XKR6: variants seen among roughly 807,000 people sequenced by gnomAD.
The protein encoded by XKR6 is XK related 6.
A neutral mutation model predicts 56.7 loss-of-function variants in XKR6; 22 were observed. That is an observed-to-expected ratio of 0.39 (90% CI 0.28 to 0.55). The LOEUF is 0.55. XKR6 is among the 20% of genes least tolerant of loss of function. The pLI, the probability that XKR6 is intolerant of heterozygous loss-of-function variation, is 0.66. For missense variants in XKR6, 852 were observed against 889.0 expected (o/e 0.96, Z 0.53); for synonymous variants, 524 against 387.8 (o/e 1.35, Z -4.13).
chr8:11,142,023 CAAA>C (rs61218279), intron 1 of XKR6, among the ~76,000 whole-genome samples: 4 of 99,406 alleles, frequency 4.0e-5, no homozygotes, highest in Non-Finnish European at 4.3e-5. Context: ...TACTACATTC[CAAA>C]AAAAAAAAAA....
intron 1 of XKR6, among the ~76,000 whole-genome samples, chr8:10,994,176 C>T (rs1372727893): frequency 6.6e-6 from 1 of 152,198 alleles, no homozygotes; most frequent in Non-Finnish European, 1.5e-5. Flanking sequence ...TGTCATCCTG[C>T]CAGGGGGCTC....
chr8:11,000,510 A>AC (rs1798213501), intron 1 of XKR6, among the ~76,000 whole-genome samples: 1 of 151,812 alleles, frequency 6.6e-6, no homozygotes, highest in Non-Finnish European at 1.5e-5. Context: ...GCATGGTGAA[A>AC]CCCCCGTCTA....
At chr8:10,909,932 G>A (rs967033361) in intron 2 of XKR6, among the ~76,000 whole-genome samples, 2 of 151,922 alleles carry the variant, frequency 1.3e-5, no homozygotes, top group Non-Finnish European at 2.9e-5. Flanking sequence ...ATTTGCCTAA[G>A]CTTACAGTAT....
intron 1 of XKR6, chr8:11,109,783 A>T (rs185426776): frequency 6.6e-6 from 1 of 152,282 alleles, no homozygotes; most frequent in East Asian, 1.9e-4. Flanking sequence ...TTCTGAGTGT[A>T]GCAAATGCCT....
chr8:11,149,643 C>A (rs1488248068), intron 1 of XKR6, among the ~76,000 whole-genome samples: 1 of 151,908 alleles, frequency 6.6e-6, no homozygotes, highest in African/African-American at 2.4e-5. Flanking sequence ...GTTACTGTTG[C>A]TGAGAATGTC....
chr8:10,907,662 C>G (rs769027804), intron 2 of XKR6, among the ~76,000 whole-genome samples: 1 of 152,208 alleles, frequency 6.6e-6, no homozygotes, highest in South Asian at 2.1e-4. Flanking sequence ...TTCTGAACCA[C>G]TGGGAAAGAT....
At chr8:10,959,869 G>C (rs756090818) in intron 1 of XKR6, among the ~76,000 whole-genome samples, 5 of 152,182 alleles carry the variant, frequency 3.3e-5, no homozygotes, top group Non-Finnish European at 7.4e-5. Context: ...GAATGGGTGG[G>C]AAGTGGTTCT....
chr8:11,077,536 G>A (rs956316989), intron 1 of XKR6, among the ~76,000 whole-genome samples: 5 of 152,188 alleles, frequency 3.3e-5, no homozygotes, highest in African/African-American at 1.2e-4. Context: ...TCAGGGTCAG[G>A]CAAAGGCCTG....
chr8:11,089,875 A>C (rs1419236033), intron 1 of XKR6, among the ~76,000 whole-genome samples: 1 of 152,142 alleles, frequency 6.6e-6, no homozygotes, highest in Admixed American at 6.5e-5. Flanking sequence ...TACTATTCTT[A>C]CTAGATATAT....
intron 1 of XKR6, among the ~76,000 whole-genome samples, chr8:11,036,456 G>T (rs961065844): frequency 6.6e-6 from 1 of 152,142 alleles, no homozygotes; most frequent in Admixed American, 6.5e-5. Flanking sequence ...TCTTGCTACC[G>T]GCAGCATCAG....
intron 1 of XKR6, among the ~76,000 whole-genome samples, chr8:11,127,279 C>T (rs752574650): frequency 6.6e-6 from 1 of 152,210 alleles, no homozygotes; most frequent in Non-Finnish European, 1.5e-5. Flanking sequence ...CCAAGCTCTA[C>T]TGCTTTCTTT....
At chr8:11,011,083 G>A (rs934941173) in intron 1 of XKR6, among the ~76,000 whole-genome samples, 1 of 152,234 alleles carries the variant, frequency 6.6e-6, no homozygotes, top group Non-Finnish European at 1.5e-5. Flanking sequence ...GCTTGGGCCA[G>A]CTCAGTAACT....
At chr8:11,008,271 A>C (rs968183760) in intron 1 of XKR6, among the ~76,000 whole-genome samples, 2 of 152,170 alleles carry the variant, frequency 1.3e-5, no homozygotes, top group African/African-American at 2.4e-5. Context: ...AACATGATGC[A>C]AAAAGGCCCA....
chr8:10,952,708 G>C (rs1456804657), intron 1 of XKR6, among the ~76,000 whole-genome samples: 1 of 152,182 alleles, frequency 6.6e-6, no homozygotes, highest in African/African-American at 2.4e-5. Context: ...CCCAGTGCTG[G>C]AGGTGGGGCC....
chr8:11,149,542 C>G (rs151014344), intron 1 of XKR6, among the ~76,000 whole-genome samples: 1 of 151,714 alleles, frequency 6.6e-6, no homozygotes, highest in Non-Finnish European at 1.5e-5. Flanking sequence ...CTGCATCATA[C>G]TTTTGTAATA....
chr8:10,995,421 C>T (rs2129141470), intron 1 of XKR6, among the ~76,000 whole-genome samples: 1 of 146,952 alleles, frequency 6.8e-6, no homozygotes, highest in Non-Finnish European at 1.5e-5. Context: ...ACTATATTTA[C>T]TATATCTACT....
chr8:11,028,121 T>C (rs1798911435), intron 1 of XKR6, among the ~76,000 whole-genome samples: 1 of 151,994 alleles, frequency 6.6e-6, no homozygotes, highest in African/African-American at 2.4e-5. Flanking sequence ...GGCCTGTTCA[T>C]CCCTGCCTCC....
At chr8:10,977,567 C>G (rs1468876242) in intron 1 of XKR6, among the ~76,000 whole-genome samples, 1 of 150,324 alleles carries the variant, frequency 6.7e-6, no homozygotes, top group Non-Finnish European at 1.5e-5. Flanking sequence ...TAGCATGAGC[C>G]ATCTTCAACA....
intron 1 of XKR6, among the ~76,000 whole-genome samples, chr8:11,147,675 T>C (rs1446421339): frequency 6.9e-6 from 1 of 145,664 alleles, no homozygotes; most frequent in Admixed American, 6.8e-5. Context: ...AAAAAAGCTA[T>C]ATGGATGGCA....
Sources: allele counts gnomAD v4.1 joint callset (sites outside exome capture counted in the v4.1 genomes callset), GRCh38; gene constraint gnomAD v4.1.1; transcripts MANE v1.5; gene names NCBI Gene and HGNC (gene_info 2026-07-23, HGNC 2026-07-21).